HMCN2: variants seen among roughly 807,000 people sequenced by gnomAD.
HMCN2 encodes hemicentin-2.
A neutral mutation model predicts 377.5 loss-of-function variants in HMCN2; 325 were observed. That is an observed-to-expected ratio of 0.86 (90% CI 0.79 to 0.94). The LOEUF is 0.94. Among genes scored for constraint, HMCN2 ranks in the 40% least tolerant of loss-of-function variants. The pLI is 0.00. For missense variants in HMCN2, 4,543 were observed against 4,725.3 expected, an observed-to-expected ratio of 0.96 and a Z score of 1.13; for synonymous variants, 2,007 against 2,046.8, an observed-to-expected ratio of 0.98 and a Z score of 0.53.
At chr9:130,349,461 C>T (rs1839577057) in intron 28 of HMCN2, 76 bp from the exon 29 acceptor site, 1 of 1,266,074 alleles carries the variant, frequency 7.9e-7, no homozygotes, top group South Asian at 1.3e-5. Context: ...GGGGTCTGCA[C>T]AGACAAAGGC....
rs1395273227 is a variant in HMCN2 at position 130,369,397 on chromosome 9, T to C, written c.6788-173T>C. ...TGTGACTCCCAGGCTGTAGTAGCAG[T>C]AGGGTGCTGTTATGACCCCATTGTT... On this transcript the variant is annotated intron_variant, in intron 44 of 97. Coordinates refer to ENST00000683500, the MANE Select transcript of HMCN2 (RefSeq NM_001291815.2). This position sits in a 1 kb window ranked among gnomAD's most constrained non-coding sequence, Gnocchi z 4.5. 6.6e-6 allele frequency among the ~76,000 whole-genome samples: 1 copy of C among 152,132 alleles called. No individual in the cohort carries two copies. The highest frequency in any genetic ancestry group is 1.5e-5 in the Non-Finnish European group (1 of 68,022).
chr9:130,402,384 G>A (rs991392134), intron 77 of HMCN2, among the ~76,000 whole-genome samples: 1 of 152,262 alleles, frequency 6.6e-6, no homozygotes, highest in African/African-American at 2.4e-5. Flanking sequence ...AGAGGAGGCA[G>A]TAATCCTGGG....
chr9:130,266,658 AC>A (rs1265375372), intron 1 of HMCN2, among the ~76,000 whole-genome samples: 1 of 152,084 alleles, frequency 6.6e-6, no homozygotes, highest in Non-Finnish European at 1.5e-5. Context: ...GAGCGGACTC[AC>A]CCTTGCTGGT....
intron 15 of HMCN2, among the ~76,000 whole-genome samples, chr9:130,318,612 G>A (rs1024282337): frequency 0.017 from 2,565 of 152,318 alleles, 64 homozygotes; most frequent in African/African-American, 0.053. Flanking sequence ...AGGGAAGGGC[G>A]TGGGATTTGG....
chr9:130,359,299 C>G lies in HMCN2; in HGVS notation c.5678-20C>G. The G allele has an allele frequency of 7.8e-7, 1 of 1,282,624 alleles. No homozygotes were observed. Among genetic ancestry groups the G allele is most frequent in the Non-Finnish European group, 1.0e-6 (1 of 970,126 alleles). The allele number at this position is 1,282,624 out of a possible 1,614,324, so 79.5% of individuals were successfully genotyped here. ...AGAGCTTGCACCTACCAAGCTGGGT[C>G]TCTCCTTGTCTCCCCCTAGTGCCCC... On this transcript the variant is annotated intron_variant, in intron 36 of 97. Coordinates refer to ENST00000683500, the MANE Select transcript of HMCN2 (RefSeq NM_001291815.2).
At chr9:130,379,553 C>A in intron 54 of HMCN2, 86 bp downstream of exon 54, 1 of 524,920 alleles carries the variant, frequency 1.9e-6, no homozygotes, top group Non-Finnish European at 2.4e-6. Flanking sequence ...AGCACACAAC[C>A]ACTCTGGACC....
rs775175167 is a variant in HMCN2 at position 130,353,043 on chromosome 9, A to G, written c.4702A>G (p.Lys1568Glu). Residue 1568 changes from lysine (K) to glutamate (E), a missense_variant, in exon 31 of 98, where the codon AAG (lysine) becomes GAG (glutamate). Lys to Glu is a moderately conservative substitution (Grantham distance 56). This residue lies in a region of HMCN2 where 1,032 missense variants were observed against 1,285.1 expected (regional missense o/e 0.80). Transcript: ENST00000683500. ...GCCCACCCCAAACATCACCTGGTTC[A>G]AGGACGGGGCCCTGCTCCCCACCAG... ...GVPTPNITWF[K>E]DGALLPTSTK... 26 of 1,304,160 alleles carry G rather than the reference A, an allele frequency of 2.0e-5. No individual in the cohort carries two copies. The highest frequency in any genetic ancestry group is 2.6e-5 in the Non-Finnish European group (26 of 988,924). 80.8% of individuals were successfully genotyped at this position (1,304,160 alleles called of 1,614,324 possible). A position where few individuals can be genotyped will look rare whatever the true frequency, so the allele number is the denominator to read the frequency against.
chr9:130,306,174 A>C lies in HMCN2; in HGVS notation c.1862A>C (p.Gln621Pro). The change falls in exon 12 of 98, where the codon CAA becomes CCA. Residue 621 changes from glutamine (Q) to proline (P), a missense_variant. This residue lies in a region of HMCN2 where 547 missense variants were observed against 189.9 expected (regional missense o/e 2.88). Coordinates refer to ENST00000683500, the MANE Select transcript of HMCN2 (RefSeq NM_001291815.2). ...CACACCAGCTCCCAGCACTTCTCCCAAGGTGTGGAGGTGAAGGTCAGCTGC... is the reference window on the plus strand; with the variant it reads ...CACACCAGCTCCCAGCACTTCTCCCCAGGTGTGGAGGTGAAGGTCAGCTGC... ...SIHTSSQHFS[Q>P]GVEVKVSCSA... The C allele has an allele frequency of 2.1e-6, 1 of 471,092 alleles. No individual in the cohort carries two copies. Among genetic ancestry groups the C allele is most frequent in the South Asian group, 1.5e-5 (1 of 64,564 alleles). The allele number at this position is 471,092 out of a possible 1,614,324, so 29.2% of individuals were successfully genotyped here. A position where few individuals can be genotyped will look rare whatever the true frequency, so the allele number is the denominator to read the frequency against.
chr9:130,427,207 C>T (rs1844429631), intron 90 of HMCN2, 106 bp from the exon 91 acceptor site: 21 of 1,223,638 alleles, frequency 1.7e-5, no homozygotes. Context: ...CTTGGCTCTG[C>T]CTGGCTAAGC....
chr9:130,353,238 G>A, intron 31 of HMCN2, 33 bp downstream of exon 31: 1 of 1,295,774 alleles, frequency 7.7e-7, no homozygotes, highest in Non-Finnish European at 1.0e-6. Context: ...AGCCGGGGTG[G>A]GCAGTGGGAG....
intron 73 of HMCN2, among the ~76,000 whole-genome samples, chr9:130,396,846 C>G (rs1032874378): frequency 6.6e-5 from 10 of 152,182 alleles, no homozygotes; most frequent in African/African-American, 2.4e-4. Flanking sequence ...GGGCATTTTT[C>G]AGATCTAGGG....
At chr9:130,316,563 T>G (rs1304112151) in intron 15 of HMCN2, among the ~76,000 whole-genome samples, 1 of 152,044 alleles carries the variant, frequency 6.6e-6, no homozygotes, top group Non-Finnish European at 1.5e-5. Flanking sequence ...TAGAGCCCCA[T>G]CCCCACAAAC....
At chr9:130,352,857 T>G in intron 30 of HMCN2, 70 bp from the exon 31 acceptor site, 2 of 1,182,122 alleles carry the variant, frequency 1.7e-6, no homozygotes, top group Non-Finnish European at 2.2e-6. Flanking sequence ...GGCATGAGTC[T>G]GCTGCCCTGG....
At chr9:130,415,937 T>C (rs1418595973) in intron 85 of HMCN2, among the ~76,000 whole-genome samples, 1 of 152,082 alleles carries the variant, frequency 6.6e-6, no homozygotes, top group Non-Finnish European at 1.5e-5. Flanking sequence ...TTTCATCCTC[T>C]ACTGCACATC....
chr9:130,313,999 C>T (rs1564776510), intron 15 of HMCN2, among the ~76,000 whole-genome samples: 1 of 151,978 alleles, frequency 6.6e-6, no homozygotes, highest in Non-Finnish European at 1.5e-5. Context: ...AGGCTGGTCT[C>T]GAACTCCCGA....
At position 130,394,549 on chromosome 9, in the gene HMCN2, C is replaced by T. The variant is rs545366065; in HGVS notation, c.10666C>T (p.Arg3556Trp). 4.3e-5 allele frequency: 55 copies of T among 1,288,528 alleles called. No homozygotes were observed. The highest frequency in any genetic ancestry group is 5.0e-5 in the Non-Finnish European group (49 of 988,332). The allele number at this position is 1,288,528 out of a possible 1,614,324, so 79.8% of individuals were successfully genotyped here. ...TRLENNSRATRVLRVENVQVR... is the reference protein window; with the variant it reads ...TRLENNSRATWVLRVENVQVR... ...GCTGGAGAACAACAGCAGAGCCACACGGGTGCTCCGGGTGGAGAATGTGCA... is the reference window on the plus strand; with the variant it reads ...GCTGGAGAACAACAGCAGAGCCACATGGGTGCTCCGGGTGGAGAATGTGCA... Residue 3556 changes from arginine (R) to tryptophan (W), a missense_variant, in exon 69 of 98, where the codon CGG becomes TGG. Physicochemically the swap from Arg to Trp is moderately radical, Grantham distance 101 (BLOSUM62 -3). This residue lies in a region of HMCN2 where 1,073 missense variants were observed against 1,319.5 expected (regional missense o/e 0.81). Coordinates refer to ENST00000683500, the MANE Select transcript of HMCN2 (RefSeq NM_001291815.2). The surrounding 1 kb of genome is among the most constrained non-coding windows in gnomAD (Gnocchi z 5.1).
chr9:130,386,012 T>C (rs1419936852), intron 60 of HMCN2, among the ~76,000 whole-genome samples: 1 of 152,136 alleles, frequency 6.6e-6, no homozygotes, highest in African/African-American at 2.4e-5. Context: ...TTCCTCAGCA[T>C]CTAGATGCTT....
At chr9:130,397,738 G>A (rs1024388890) in intron 74 of HMCN2, 83 bp downstream of exon 74, 8 of 1,202,284 alleles carry the variant, frequency 6.7e-6, no homozygotes, top group Non-Finnish European at 4.3e-6. Context: ...CCCAGCTGTA[G>A]GGGCCAAGAG....
chr9:130,377,875 C>T, intron 53 of HMCN2, 76 bp downstream of exon 53: 1 of 959,838 alleles, frequency 1.0e-6, no homozygotes, highest in Non-Finnish European at 1.2e-6. Flanking sequence ...TCCGCAGGCC[C>T]CCACCATGTG....
Sources: allele counts gnomAD v4.1 joint callset (sites outside exome capture counted in the v4.1 genomes callset), GRCh38; gene constraint gnomAD v4.1.1; regional missense constraint gnomAD v4.1.1; non-coding constraint Gnocchi (gnomAD v3.1); transcripts MANE v1.5; gene names NCBI Gene and HGNC (gene_info 2026-07-23, HGNC 2026-07-21).